BANK1: variants seen among roughly 807,000 people sequenced by gnomAD.
The protein encoded by BANK1 is B-cell scaffold protein with ankyrin repeats.
In BANK1, 95 loss-of-function variants were observed where a neutral mutation model predicts 94.5. That is an observed-to-expected ratio of 1.00 (90% CI 0.85 to 1.19). The LOEUF (loss-of-function observed/expected upper bound fraction) is 1.19. Ranked by LOEUF, BANK1 falls within the 50% of genes most tolerant of loss-of-function variation. The pLI is 0.00. For missense variants in BANK1, 987 were observed against 932.2 expected (o/e 1.06, Z -0.77); for synonymous variants, 334 against 308.4 (o/e 1.08, Z -0.87).
chr4:101,962,605 T>C (rs996869040), intron 7 of BANK1, among the ~76,000 whole-genome samples: 1 of 152,200 alleles, frequency 6.6e-6, no homozygotes. Flanking sequence ...TTTCTTTTAC[T>C]AGTTCTGCTA....
chr4:102,071,211 G>C (rs1728748410), intron 13 of BANK1, 64 bp from the exon 14 acceptor site: 2 of 1,528,586 alleles, frequency 1.3e-6, no homozygotes, highest in African/African-American at 2.8e-5. Context: ...AAAAAAATAA[G>C]AGAGAGAATT....
intron 7 of BANK1, among the ~76,000 whole-genome samples, chr4:101,986,184 A>G (rs1184381413): frequency 6.6e-6 from 1 of 152,170 alleles, no homozygotes; most frequent in African/African-American, 2.4e-5. Flanking sequence ...ATAAATGTGC[A>G]TATAAAGTGC....
chr4:101,800,330 CCTT>C (rs1483428764), intron 1 of BANK1, among the ~76,000 whole-genome samples: 1 of 150,616 alleles, frequency 6.6e-6, no homozygotes, highest in Non-Finnish European at 1.5e-5. Flanking sequence ...ATTTTTCATT[CCTT>C]CTTCTATGTT....
chr4:101,803,964 C>T (rs1283692991), intron 1 of BANK1, among the ~76,000 whole-genome samples: 3 of 123,036 alleles, frequency 2.4e-5, no homozygotes, highest in African/African-American at 3.3e-5. Flanking sequence ...CGCCACTGCA[C>T]TCCAGCCTGG....
At chr4:101,977,946 GTTTTGT>G (rs1430390903) in intron 7 of BANK1, among the ~76,000 whole-genome samples, 1 of 58,216 alleles carries the variant, frequency 1.7e-5, no homozygotes, top group African/African-American at 7.9e-5. Flanking sequence ...AAATTTAGGG[GTTTTGT>G]TTGTTTGTTT....
At chr4:102,024,743 T>A (rs1278349650) in intron 8 of BANK1, among the ~76,000 whole-genome samples, 1 of 152,120 alleles carries the variant, frequency 6.6e-6, no homozygotes, top group African/African-American at 2.4e-5. Flanking sequence ...TCTGTAAAGA[T>A]CAATATATAT....
chr4:101,893,522 T>G (rs1721954108), intron 5 of BANK1, among the ~76,000 whole-genome samples: 1 of 152,218 alleles, frequency 6.6e-6, no homozygotes, highest in African/African-American at 2.4e-5. Flanking sequence ...CAAACTAATG[T>G]TATGATTTTC....
intron 6 of BANK1, among the ~76,000 whole-genome samples, chr4:101,910,618 C>T (rs1578393567): frequency 6.9e-6 from 1 of 145,536 alleles, no homozygotes; most frequent in South Asian, 2.4e-4. Context: ...CACTTGAACC[C>T]GGGAGGCAGA....
chr4:101,847,482 C>A (rs963135519), intron 2 of BANK1, among the ~76,000 whole-genome samples: 1 of 151,812 alleles, frequency 6.6e-6, no homozygotes, highest in Non-Finnish European at 1.5e-5. Flanking sequence ...TTGGTGCACC[C>A]ATCACCCAAG....
chr4:101,915,596 ATATTT>A (rs1362629979), intron 6 of BANK1, among the ~76,000 whole-genome samples: 7 of 152,084 alleles, frequency 4.6e-5, no homozygotes, highest in Non-Finnish European at 1.0e-4. Flanking sequence ...ATTTAAGAGA[ATATTT>A]TAGTAACAAG....
intron 9 of BANK1, among the ~76,000 whole-genome samples, chr4:102,026,814 C>CCT (rs924370024): frequency 7.0e-6 from 1 of 142,010 alleles, no homozygotes; most frequent in African/African-American, 2.7e-5. Flanking sequence ...AAGAGTGAGA[C>CCT]TCCATCTCAA....
At chr4:101,959,959 A>G (rs1182733999) in intron 7 of BANK1, among the ~76,000 whole-genome samples, 1 of 152,184 alleles carries the variant, frequency 6.6e-6, no homozygotes, top group Non-Finnish European at 1.5e-5. Flanking sequence ...CTCATCCTCA[A>G]GCGTCAGGAT....
At chr4:101,950,677 C>T (rs938152135) in intron 7 of BANK1, among the ~76,000 whole-genome samples, 2 of 152,170 alleles carry the variant, frequency 1.3e-5, no homozygotes, top group Admixed American at 6.5e-5. Flanking sequence ...ATAATGACTT[C>T]CTTTCAAAGA....
chr4:101,989,809 T>A (rs1725641755), intron 7 of BANK1, among the ~76,000 whole-genome samples: 1 of 152,218 alleles, frequency 6.6e-6, no homozygotes, highest in Non-Finnish European at 1.5e-5. Flanking sequence ...CTAAGTGCAT[T>A]ATATCAAGAG....
intron 2 of BANK1, among the ~76,000 whole-genome samples, chr4:101,853,733 G>A (rs1727580430): frequency 6.6e-6 from 1 of 152,102 alleles, no homozygotes; most frequent in African/African-American, 2.4e-5. Flanking sequence ...GTCTGCTTGA[G>A]ACTGAGGGGT....
At chr4:101,987,125 C>T (rs1445050728) in intron 7 of BANK1, among the ~76,000 whole-genome samples, 4 of 151,440 alleles carry the variant, frequency 2.6e-5, no homozygotes, top group Non-Finnish European at 5.9e-5. Flanking sequence ...ATGCTGTTGT[C>T]TTTAGGAAAG....
intron 7 of BANK1, among the ~76,000 whole-genome samples, chr4:101,990,381 T>G (rs1412908805): frequency 6.6e-6 from 1 of 152,232 alleles, no homozygotes; most frequent in Non-Finnish European, 1.5e-5. Flanking sequence ...ATTCTGTGGT[T>G]ACTCTGCAAA....
chr4:101,990,049 C>A (rs1349011420), intron 7 of BANK1, among the ~76,000 whole-genome samples: 1 of 152,114 alleles, frequency 6.6e-6, no homozygotes, highest in Non-Finnish European at 1.5e-5. Flanking sequence ...GATGGATTCC[C>A]AGTATTAATT....
intron 1 of BANK1, among the ~76,000 whole-genome samples, chr4:101,799,533 C>G (rs77578559): frequency 2.0e-5 from 3 of 152,174 alleles, no homozygotes; most frequent in Non-Finnish European, 4.4e-5. Context: ...TTCACAATAG[C>G]AAAGACTTGG....
Sources: gnomAD v4.1 joint callset for allele counts (sites outside exome capture counted in the v4.1 genomes callset) on GRCh38, gnomAD v4.1.1 for gene constraint, MANE v1.5 for transcripts, NCBI Gene and HGNC (gene_info 2026-07-23, HGNC 2026-07-21) for gene names.